The following PIK3AP1 variants were observed in gnomAD, a reference collection of about 807,000 sequenced individuals.
PIK3AP1 encodes phosphoinositide 3-kinase adapter protein 1.
PIK3AP1 carries 21 observed loss-of-function variants against 88.1 expected under a neutral mutation model. The ratio of observed to expected loss-of-function variants is 0.24; its 90% CI spans 0.17 to 0.34. The LOEUF is 0.34. Ranked by LOEUF, PIK3AP1 falls within the 10% of genes least tolerant of loss-of-function variation. PIK3AP1 has a pLI of 1.00. For missense variants in PIK3AP1, 828 were observed against 1,035.7 expected (o/e 0.80, Z 2.75); for synonymous variants, 398 against 400.0 (o/e 1.00, Z 0.06).
chr10:96,687,255 CAAAAAAAAAAAA>C (rs59631566), intron 2 of PIK3AP1, among the ~76,000 whole-genome samples: 2 of 55,306 alleles, frequency 3.6e-5, no homozygotes, highest in Non-Finnish European at 6.4e-5. Flanking sequence ...TACTCCATCT[CAAAAAAAAAAAA>C]AAAAAAAAAA....
chr10:96,672,859 G>T (rs187688104), intron 2 of PIK3AP1, among the ~76,000 whole-genome samples: 1 of 152,322 alleles, frequency 6.6e-6, no homozygotes, highest in African/African-American at 2.4e-5. Flanking sequence ...AGCTGGAGTT[G>T]TCTCAGCGCC....
chr10:96,638,917 G>A (rs145714277), intron 8 of PIK3AP1, among the ~76,000 whole-genome samples: 146 of 150,226 alleles, frequency 9.7e-4, no homozygotes, highest in African/African-American at 3.4e-3. Flanking sequence ...CTGGCACAGC[G>A]TGATTTAAAC....
At chr10:96,596,036 A>G (rs1457224148) in intron 16 of PIK3AP1, among the ~76,000 whole-genome samples, 1 of 152,134 alleles carries the variant, frequency 6.6e-6, no homozygotes, top group African/African-American at 2.4e-5. Flanking sequence ...GTAAGCTAAA[A>G]TTCCTAGAAA....
intron 2 of PIK3AP1, among the ~76,000 whole-genome samples, chr10:96,697,846 T>A (rs1423909116): frequency 6.6e-6 from 1 of 152,350 alleles, no homozygotes; most frequent in East Asian, 1.9e-4. Flanking sequence ...ATCAACAGTT[T>A]TTTGTATATC....
intron 8 of PIK3AP1, chr10:96,632,975 C>G (rs1218253286): frequency 6.2e-7 from 1 of 1,612,856 alleles, no homozygotes; most frequent in Admixed American, 1.7e-5. Flanking sequence ...GCTGGTCTTC[C>G]TTTGAGCCAG....
chr10:96,674,942 G>C (rs1004368533), intron 2 of PIK3AP1, among the ~76,000 whole-genome samples: 24 of 152,330 alleles, frequency 1.6e-4, no homozygotes, highest in African/African-American at 5.8e-4. Context: ...GCCCAGGCTG[G>C]AATGCAGTTC....
Position 96,720,378 on chromosome 10 carries a change from C to G in PIK3AP1, c.13+4G>C. 8.1e-7 allele frequency: 1 copy of G among 1,241,058 alleles called. No individual in the cohort carries two copies. Among genetic ancestry groups the G allele is most frequent in the Non-Finnish European group, 1.0e-6 (1 of 987,550 alleles). The allele number at this position is 1,241,058 out of a possible 1,614,324, so 76.9% of individuals were successfully genotyped here. A position where few individuals can be genotyped will look rare whatever the true frequency, so the allele number is the denominator to read the frequency against. ...CCGGGGACCCGCGGCGCCTGCCTAC[C>G]CACCTGAGGCTGCCATGCCGCGGGG... On this transcript the variant is annotated splice_donor_region_variant and intron_variant, in intron 1 of 16. Transcript: ENST00000339364. This position sits in a 1 kb window ranked among gnomAD's most constrained non-coding sequence, Gnocchi z 4.6.
At chr10:96,709,150 A>AC (rs56348362) in intron 2 of PIK3AP1, among the ~76,000 whole-genome samples, 5 of 150,178 alleles carry the variant, frequency 3.3e-5, no homozygotes, top group Admixed American at 1.3e-4. Context: ...AAAAAAAAAA[A>AC]CCCTTTTTTA....
At chr10:96,698,648 G>A (rs1293379778) in intron 2 of PIK3AP1, among the ~76,000 whole-genome samples, 1 of 152,206 alleles carries the variant, frequency 6.6e-6, no homozygotes, top group Non-Finnish European at 1.5e-5. Flanking sequence ...CAAGAGAACT[G>A]CTTGAACCTG....
chr10:96,647,762 T>G (rs1843479864), intron 7 of PIK3AP1, among the ~76,000 whole-genome samples: 1 of 152,216 alleles, frequency 6.6e-6, no homozygotes, highest in Admixed American at 6.5e-5. Context: ...AAGACCGGGC[T>G]GTGTTTATTG....
At chr10:96,668,103 A>G (rs528224090) in intron 2 of PIK3AP1, among the ~76,000 whole-genome samples, 1 of 152,210 alleles carries the variant, frequency 6.6e-6, no homozygotes, top group Admixed American at 6.6e-5. Context: ...AAAATTTTGG[A>G]AAGAGTGGTG....
At chr10:96,631,149 C>T (rs187753227) in intron 8 of PIK3AP1, among the ~76,000 whole-genome samples, 2 of 152,326 alleles carry the variant, frequency 1.3e-5, no homozygotes, top group East Asian at 1.9e-4. Context: ...CAGCTTTATA[C>T]TGCCCAGTGC....
chr10:96,601,870 C>T (rs1034557063), intron 16 of PIK3AP1, among the ~76,000 whole-genome samples: 2 of 152,106 alleles, frequency 1.3e-5, no homozygotes, highest in Non-Finnish European at 2.9e-5. Context: ...ATGGAGTAGG[C>T]ATTTCAATTA....
intron 2 of PIK3AP1, among the ~76,000 whole-genome samples, chr10:96,696,379 A>G (rs1265758693): frequency 6.6e-6 from 1 of 152,152 alleles, no homozygotes; most frequent in Non-Finnish European, 1.5e-5. Flanking sequence ...GAAACTGAAA[A>G]TTTTCTGCCC....
intron 16 of PIK3AP1, among the ~76,000 whole-genome samples, chr10:96,595,995 TG>T (rs1383136264): frequency 6.6e-6 from 1 of 152,190 alleles, no homozygotes; most frequent in Non-Finnish European, 1.5e-5. Context: ...CTTGGGGCCT[TG>T]CTGACCCTGG....
At chr10:96,686,592 T>C (rs886820518) in intron 2 of PIK3AP1, among the ~76,000 whole-genome samples, 3 of 152,130 alleles carry the variant, frequency 2.0e-5, no homozygotes, top group Non-Finnish European at 4.4e-5. Context: ...CATAACAGCA[T>C]TTCACAGTAT....
At chr10:96,670,366 C>A (rs1206970172) in intron 2 of PIK3AP1, among the ~76,000 whole-genome samples, 1 of 151,978 alleles carries the variant, frequency 6.6e-6, no homozygotes, top group Non-Finnish European at 1.5e-5. Flanking sequence ...TTTCCTTATC[C>A]CTTCAACAAA....
chr10:96,670,205 C>T (rs1311562110), intron 2 of PIK3AP1, among the ~76,000 whole-genome samples: 1 of 148,686 alleles, frequency 6.7e-6, no homozygotes, highest in East Asian at 2.0e-4. Flanking sequence ...AAAGTGCTTG[C>T]ACATGAAAAA....
chr10:96,637,409 G>A (rs936287542), intron 8 of PIK3AP1, among the ~76,000 whole-genome samples: 2 of 151,446 alleles, frequency 1.3e-5, no homozygotes, highest in Non-Finnish European at 1.5e-5. Context: ...TGTCACCCAG[G>A]CTGGAGTGCA....
Sources: gnomAD v4.1 joint callset for allele counts (sites outside exome capture counted in the v4.1 genomes callset) on GRCh38, gnomAD v4.1.1 for gene constraint, Gnocchi (gnomAD v3.1) non-coding constraint, MANE v1.5 for transcripts, NCBI Gene and HGNC (gene_info 2026-07-23, HGNC 2026-07-21) for gene names.